Variants in DNAJC1 observed in about 807,000 individuals in gnomAD.
DNAJC1 encodes the protein DnaJ heat shock protein family (Hsp40) member C1.
DNAJC1 carries 58 observed loss-of-function variants against 76.6 expected under a neutral mutation model. That is an observed-to-expected ratio of 0.76 (90% CI 0.61 to 0.94). The LOEUF (loss-of-function observed/expected upper bound fraction) is 0.94, where lower values mean the gene tolerates loss of function less well. DNAJC1 is among the 40% of genes least tolerant of loss of function. The pLI is 0.00. For synonymous variants in DNAJC1, 258 were observed against 267.9 expected, an observed-to-expected ratio of 0.96 and a Z score of 0.36; for missense variants, 689 against 677.3, an observed-to-expected ratio of 1.02 and a Z score of -0.19.
At chr10:21,858,995 C>T (rs1279491681) in intron 8 of DNAJC1, among the ~76,000 whole-genome samples, 1 of 152,016 alleles carries the variant, frequency 6.6e-6, no homozygotes, top group African/African-American at 2.4e-5. Context: ...AAGTATATCA[C>T]CAACTTAACT....
intron 8 of DNAJC1, among the ~76,000 whole-genome samples, chr10:21,823,887 T>C (rs1203385543): frequency 1.3e-5 from 2 of 152,182 alleles, no homozygotes; most frequent in Non-Finnish European, 2.9e-5. Flanking sequence ...TCAGTCTATA[T>C]AGTTCTTTTA....
chr10:21,788,889 A>G (rs532161890), intron 9 of DNAJC1, among the ~76,000 whole-genome samples: 1 of 152,214 alleles, frequency 6.6e-6, no homozygotes, highest in South Asian at 2.1e-4. Context: ...CCTGGACATG[A>G]GCTGCTAGAA....
intron 9 of DNAJC1, among the ~76,000 whole-genome samples, chr10:21,794,055 G>A (rs1589982919): frequency 6.6e-6 from 1 of 152,090 alleles, no homozygotes; most frequent in South Asian, 2.1e-4. Flanking sequence ...CGGGAGGATC[G>A]CTTGAGGTCA....
intron 8 of DNAJC1, among the ~76,000 whole-genome samples, chr10:21,881,862 A>C (rs1181160826): frequency 2.7e-5 from 4 of 150,718 alleles, no homozygotes; most frequent in Admixed American, 2.6e-4. Context: ...AAAAAAAAAA[A>C]AAAAAAAACC....
At chr10:21,874,848 G>A (rs1836158438) in intron 8 of DNAJC1, among the ~76,000 whole-genome samples, 1 of 152,044 alleles carries the variant, frequency 6.6e-6, no homozygotes, top group Admixed American at 6.6e-5. Context: ...ATATTTAATA[G>A]TAACATGATA....
At chr10:21,850,699 G>T (rs1835737918) in intron 8 of DNAJC1, among the ~76,000 whole-genome samples, 1 of 151,760 alleles carries the variant, frequency 6.6e-6, no homozygotes, top group Non-Finnish European at 1.5e-5. Flanking sequence ...AAATCTCAAG[G>T]AACCCTAAAT....
intron 1 of DNAJC1, among the ~76,000 whole-genome samples, chr10:21,952,891 T>C (rs570291902): frequency 2.0e-5 from 3 of 152,314 alleles, no homozygotes; most frequent in East Asian, 3.9e-4. Context: ...ATCACTATTC[T>C]TTCTTTTTTT....
intron 8 of DNAJC1, among the ~76,000 whole-genome samples, chr10:21,856,797 C>T (rs547889801): frequency 1.3e-4 from 19 of 151,900 alleles, no homozygotes; most frequent in Admixed American, 3.9e-4. Flanking sequence ...AGTGCAATGG[C>T]GCTATCTCGG....
intron 3 of DNAJC1, 144 bp from the exon 4 acceptor site, chr10:21,921,107 C>T (rs996576228): frequency 6.8e-6 from 5 of 736,540 alleles, no homozygotes; most frequent in Non-Finnish European, 1.0e-5. Flanking sequence ...ATTATAATAT[C>T]GAGTAAATTC....
chr10:21,779,232 G>C (rs1271132057), intron 9 of DNAJC1, among the ~76,000 whole-genome samples: 1 of 152,192 alleles, frequency 6.6e-6, no homozygotes, highest in Non-Finnish European at 1.5e-5. Context: ...CTGTGTGACA[G>C]CTTTGAAGAG....
At chr10:21,839,788 G>C (rs528212313) in intron 8 of DNAJC1, among the ~76,000 whole-genome samples, 132 of 152,254 alleles carry the variant, frequency 8.7e-4, no homozygotes, top group South Asian at 7.1e-3. Flanking sequence ...GCCTGGCAGA[G>C]ACACAACAAA....
At chr10:21,985,684 T>C (rs1838234191) in intron 1 of DNAJC1, among the ~76,000 whole-genome samples, 2 of 152,230 alleles carry the variant, frequency 1.3e-5, no homozygotes, top group Admixed American at 1.3e-4. Context: ...TTGTGGTTTA[T>C]CCCAGAAGTT....
At chr10:21,959,192 T>C (rs1052928063) in intron 1 of DNAJC1, among the ~76,000 whole-genome samples, 4 of 152,104 alleles carry the variant, frequency 2.6e-5, no homozygotes, top group Admixed American at 1.3e-4. Flanking sequence ...TGGTGAGACC[T>C]TGGCTTGCTG....
chr10:21,819,886 C>T (rs371171687), intron 8 of DNAJC1, among the ~76,000 whole-genome samples: 9 of 152,126 alleles, frequency 5.9e-5, no homozygotes, highest in South Asian at 2.1e-4. Flanking sequence ...GCTGAGATCA[C>T]GCCACTGCAC....
At chr10:21,812,029 G>A (rs755087687) in intron 8 of DNAJC1, among the ~76,000 whole-genome samples, 6 of 151,196 alleles carry the variant, frequency 4.0e-5, no homozygotes, top group African/African-American at 9.7e-5. Context: ...TCTTACTGTG[G>A]TAATAATTTG....
rs565798767 is a variant in DNAJC1 at position 21,989,227 on chromosome 10, A to C, written c.222+13986T>G. On this transcript the variant is annotated intron_variant, in intron 1 of 11. Transcript: ENST00000376980. Reference sequence around the variant, plus strand: ...GATAATAAGAAAATGAACATTAAAAAATAATATTATAAAATAAATGTAGCT... The same window carrying C: ...GATAATAAGAAAATGAACATTAAAACATAATATTATAAAATAAATGTAGCT... Among the ~76,000 whole-genome samples the C allele has an allele frequency of 5.9e-5, 9 of 152,334 alleles. No individual in the cohort carries two copies. The South Asian group carries it at 1.9e-3, about 32-fold the overall frequency.
chr10:21,796,995 G>A (rs1834756942), intron 9 of DNAJC1, among the ~76,000 whole-genome samples: 1 of 151,914 alleles, frequency 6.6e-6, no homozygotes, highest in Non-Finnish European at 1.5e-5. Flanking sequence ...TTGTGTTTTT[G>A]GTGTTATAAT....
intron 8 of DNAJC1, among the ~76,000 whole-genome samples, chr10:21,811,158 A>G (rs1261150129): frequency 1.3e-5 from 2 of 152,112 alleles, no homozygotes; most frequent in African/African-American, 4.8e-5. Context: ...AAAGGAGCTC[A>G]CGGGGTGACC....
At chr10:21,928,889 T>C in intron 2 of DNAJC1, 151 bp downstream of exon 2, 2 of 531,680 alleles carry the variant, frequency 3.8e-6, no homozygotes, top group South Asian at 3.8e-5. Context: ...AAAAATGCAT[T>C]TTGTAGAAAC....
Sources: gnomAD v4.1 joint callset for allele counts (sites outside exome capture counted in the v4.1 genomes callset) on GRCh38, gnomAD v4.1.1 for gene constraint, MANE v1.5 for transcripts, NCBI Gene and HGNC (gene_info 2026-07-23, HGNC 2026-07-21) for gene names.